Variants in PEX16 observed in about 807,000 individuals in gnomAD.
PEX16 encodes the protein peroxisomal biogenesis factor 16.
Under a neutral mutation model 50.5 loss-of-function variants are expected in PEX16, and 37 were observed. That is an observed-to-expected ratio of 0.73 (90% CI 0.56 to 0.96). PEX16 has a LOEUF of 0.96. Ranked by LOEUF, PEX16 falls within the 40% of genes least tolerant of loss-of-function variation. PEX16 has a pLI of 0.00. For synonymous variants in PEX16, 185 were observed against 190.3 expected, an observed-to-expected ratio of 0.97 and a Z score of 0.23; for missense variants, 401 against 438.3, an observed-to-expected ratio of 0.91 and a Z score of 0.76.
chr11:45,911,032 A>G (rs1395518253), intron 9 of PEX16, 70 bp from the exon 10 acceptor site: 3 of 1,082,048 alleles, frequency 2.8e-6, no homozygotes, highest in Non-Finnish European at 4.3e-6. Flanking sequence ...CAGGAGGCCC[A>G]GAGGCCTTCA....
chr11:45,916,195 G>A (rs753948278), intron 3 of PEX16, 32 bp downstream of exon 3: 34 of 1,534,474 alleles, frequency 2.2e-5, no homozygotes, highest in Non-Finnish European at 3.0e-5. Context: ...GAGTCCCCAT[G>A]CTTCCCACCC....
At chr11:45,917,409 G>C in intron 2 of PEX16, 49 bp downstream of exon 2, 3 of 1,590,214 alleles carry the variant, frequency 1.9e-6, no homozygotes, top group Non-Finnish European at 2.6e-6. Flanking sequence ...GAACTCACCA[G>C]GGGCCAGGCA....
chr11:45,915,046 A>G (rs1375886016), intron 5 of PEX16, among the ~76,000 whole-genome samples: 1 of 152,230 alleles, frequency 6.6e-6, no homozygotes, highest in African/African-American at 2.4e-5. Context: ...AACAATCATG[A>G]TGAGAGGCAA....
rs200546977 is a variant in PEX16 at position 45,910,269 on chromosome 11, G to A, written c.996C>T (p.Phe332=). 25 of 1,613,658 alleles carry A rather than the reference G, an allele frequency of 1.5e-5. No individual in the cohort carries two copies. Among genetic ancestry groups the A allele is most frequent in the Non-Finnish European group, 2.0e-5 (24 of 1,179,912 alleles). Reference sequence around the variant, plus strand: ...GGGAGGTCTGTCAGCCCCAACTGTAGAAGTAGATTTTCTGCCAGGTGGGCA... The same window carrying A: ...GGGAGGTCTGTCAGCCCCAACTGTAAAAGTAGATTTTCTGCCAGGTGGGCA... ...DYLPTWQKIY[F]YSWG Residue 332 remains phenylalanine (F), a synonymous_variant, in exon 11 of 11, where the codon TTC becomes TTT. Transcript: ENST00000378750.
In PEX16 at chr11:45,914,440, T is replaced by C. The variant is rs1362905902; in HGVS notation, c.570A>G (p.Gly190=). The C allele has an allele frequency of 1.9e-6, 3 of 1,607,988 alleles. No homozygotes were observed. The East Asian group carries it at 6.7e-5, about 36-fold the overall frequency. Reference sequence around the variant, plus strand: ...GCCGTCCCTCCCGCTGCTGGGGAGCTCCCCAGTGCCTGGAGTGCAGGGACG... The same window carrying C: ...GCCGTCCCTCCCGCTGCTGGGGAGCCCCCCAGTGCCTGGAGTGCAGGGACG... ...NTPSLHSRHW[G]APQQREGRQQ... is the part of the protein sequence containing the mutation. The change falls in exon 7 of 11, where the codon GGA becomes GGG. Residue 190 remains glycine, a synonymous_variant. Coordinates refer to ENST00000378750, the MANE Select transcript of PEX16 (RefSeq NM_004813.4).
At chr11:45,913,165 G>T (rs1450008309) in intron 9 of PEX16, among the ~76,000 whole-genome samples, 2 of 152,074 alleles carry the variant, frequency 1.3e-5, no homozygotes, top group Non-Finnish European at 2.9e-5. Flanking sequence ...AGACAAAGGG[G>T]GTCCCGGGAG....
chr11:45,913,495 T>A (rs1331208325), intron 9 of PEX16, among the ~76,000 whole-genome samples: 1 of 152,232 alleles, frequency 6.6e-6, no homozygotes, highest in Non-Finnish European at 1.5e-5. Flanking sequence ...AGCCAAACTA[T>A]TTGGCAGGAA....
At chr11:45,917,964 GAACCACCC>G, upstream of PEX16, 1 of 701,644 alleles carries the variant, frequency 1.4e-6, no homozygotes, top group Non-Finnish European at 2.6e-6. Context: ...AAGAACCGGT[GAACCACCC>G]TTCACCCCAT....
chr11:45,915,377 A>G (rs2086822871), intron 5 of PEX16, 91 bp downstream of exon 5: 2 of 942,328 alleles, frequency 2.1e-6, no homozygotes, highest in African/African-American at 1.6e-5. Context: ...TGCTCCATAA[A>G]CAGATACTAC....
rs2086853735 is a variant in PEX16, at chr11:45,917,746, C to T, written c.66G>A (p.Thr22=). 5.1e-6 allele frequency: 8 copies of T among 1,558,510 alleles called. No individual in the cohort carries two copies. Among genetic ancestry groups the T allele is most frequent in the Non-Finnish European group, 6.9e-6 (8 of 1,151,930 alleles). ...CCCGCACTGCTGTCTCCAGCTGGGC[C>T]GTGGCGGCCGGGTGACGAGTCACGT... ...QEYVTRHPAA[T]AQLETAVRGF... is the part of the protein sequence containing the mutation. The change falls in exon 1 of 11, where the codon ACG becomes ACA. Residue 22 remains threonine, a synonymous_variant. Transcript: ENST00000378750.
chr11:45,913,227 CTG>C (rs1319087224), intron 9 of PEX16, among the ~76,000 whole-genome samples: 1 of 152,136 alleles, frequency 6.6e-6, no homozygotes, highest in African/African-American at 2.4e-5. Context: ...CCCTGTCAGA[CTG>C]TGGTCTAACC....
chr11:45,916,685 C>A (rs2086839850), intron 2 of PEX16, among the ~76,000 whole-genome samples: 1 of 152,170 alleles, frequency 6.6e-6, no homozygotes, highest in Non-Finnish European at 1.5e-5. Context: ...TTTCTTTTTT[C>A]TGAGTCGGAG....
At chr11:45,917,277 T>C in intron 2 of PEX16, 181 bp downstream of exon 2, 1 of 690,726 alleles carries the variant, frequency 1.4e-6, no homozygotes, top group Non-Finnish European at 2.6e-6. Flanking sequence ...GACGTGTCTC[T>C]TGACTTAGGG....
intron 2 of PEX16, 187 bp downstream of exon 2, chr11:45,917,271 T>C (rs2086847028): frequency 1.5e-6 from 1 of 687,046 alleles, no homozygotes; most frequent in South Asian, 1.5e-5. Context: ...TCCCCAGACG[T>C]GTCTCTTGAC....
Position 45,909,927 on chromosome 11 carries a change from G to A in PEX16, c.*327C>T. 1 of 677,690 alleles carries A rather than the reference G, an allele frequency of 1.5e-6. No individual in the cohort carries two copies. Among genetic ancestry groups the A allele is most frequent in the Non-Finnish European group, 2.6e-6 (1 of 380,492 alleles). 42.0% of individuals were successfully genotyped at this position (677,690 alleles called of 1,614,324 possible). Reference sequence around the variant, plus strand: ...CAGGGGCCAGCGAGAGAGCAGCAGTGTTCGCTCCTATGGCTGCCGAGGCGA... The same window carrying A: ...CAGGGGCCAGCGAGAGAGCAGCAGTATTCGCTCCTATGGCTGCCGAGGCGA... On this transcript the variant is annotated 3_prime_UTR_variant, in exon 11 of 11. Transcript: ENST00000378750.
In PEX16 at chr11:45,915,851, G is replaced by C; in HGVS notation, c.226-15C>G. 1 of 1,613,470 alleles carries C rather than the reference G, an allele frequency of 6.2e-7. No individual in the cohort carries two copies. The stretch of plus-strand genomic sequence containing the variant: ...TGGGACAGCGACTGCAAGAACCCCA[G>C]GCCAAGAAGTCAGGGGGCCTGGGAC... On this transcript the variant is annotated splice_polypyrimidine_tract_variant and intron_variant, in intron 3 of 10. Coordinates refer to ENST00000378750, the MANE Select transcript of PEX16 (RefSeq NM_004813.4).
intron 10 of PEX16, 77 bp from the exon 11 acceptor site, chr11:45,910,389 C>A (rs1287869236): frequency 7.9e-7 from 1 of 1,260,816 alleles, no homozygotes; most frequent in African/African-American, 1.5e-5. Context: ...CACCTCACCC[C>A]TGCGGCCCAG....
chr11:45,916,205 C>T (rs778127452), intron 3 of PEX16, 22 bp downstream of exon 3: 26 of 1,586,736 alleles, frequency 1.6e-5, no homozygotes, highest in Non-Finnish European at 2.0e-5. Context: ...GCTTCCCACC[C>T]TGTTCTTGGC....
intron 8 of PEX16, 46 bp downstream of exon 8, chr11:45,914,085 C>G: frequency 3.2e-6 from 5 of 1,576,848 alleles, no homozygotes; most frequent in Non-Finnish European, 4.3e-6. Flanking sequence ...AGGATTATAG[C>G]AGAAAGCCCA....
Sources: gnomAD v4.1 joint callset for allele counts (sites outside exome capture counted in the v4.1 genomes callset) on GRCh38, gnomAD v4.1.1 for gene constraint, MANE v1.5 for transcripts, NCBI Gene and HGNC (gene_info 2026-07-23, HGNC 2026-07-21) for gene names.